Variants in ATXN1L observed in about 807,000 individuals in gnomAD.
ATXN1L encodes the protein ataxin 1 like.
Under a neutral mutation model 43.4 loss-of-function variants are expected in ATXN1L, and 8 were observed. The observed-to-expected ratio is 0.18, with a 90% confidence interval of 0.11 to 0.33. The LOEUF is 0.33. Among genes scored for constraint, ATXN1L ranks in the 10% least tolerant of loss-of-function variants. ATXN1L has a pLI of 1.00. For synonymous variants in ATXN1L, 379 were observed against 360.6 expected (o/e 1.05, Z -0.58); for missense variants, 856 against 885.4 (o/e 0.97, Z 0.42).
rs773921353 is a variant in ATXN1L at position 71,851,132 on chromosome 16, C to T, written c.1392C>T (p.His464=). 1 of 1,551,714 alleles carries T rather than the reference C, an allele frequency of 6.4e-7. No homozygotes were observed. The highest frequency in any genetic ancestry group is 8.7e-7 in the Non-Finnish European group (1 of 1,146,994). ...EPTPPPITSS[H]LPSHFMKGAI... The stretch of plus-strand genomic sequence containing the variant: ...CGCCGCCCCCCATTACCTCCTCTCA[C>T]TTGCCTTCCCATTTCATGAAAGGCG... Residue 464 remains histidine (H), a synonymous_variant, in exon 3 of 3, where the codon CAC becomes CAT. Coordinates refer to ENST00000427980, the MANE Select transcript of ATXN1L (RefSeq NM_001137675.4). This position sits in a 1 kb window ranked among gnomAD's most constrained non-coding sequence, Gnocchi z 4.9.
chr16:71,846,237 G>A (rs1031813553), intron 1 of ATXN1L, 133 bp downstream of exon 1: 1 of 153,858 alleles, frequency 6.5e-6, no homozygotes, highest in Admixed American at 6.5e-5. Flanking sequence ...GGAGGGGAGA[G>A]GCCGCACCTA....
At position 71,850,354 on chromosome 16, in the gene ATXN1L, C is replaced by T. The variant is rs1001164571; in HGVS notation, c.614C>T (p.Thr205Ile). ...AHSFNKAPSATSPSGQLPHHS... is the reference protein window; with the variant it reads ...AHSFNKAPSAISPSGQLPHHS... ...TCATTTAACAAAGCTCCCTCTGCCACCTCCCCATCTGGGCAATTGCCACAT... is the reference window on the plus strand; with the variant it reads ...TCATTTAACAAAGCTCCCTCTGCCATCTCCCCATCTGGGCAATTGCCACAT... Residue 205 changes from threonine to isoleucine, a missense_variant, in exon 3 of 3, where the codon ACC becomes ATC. Coordinates refer to ENST00000427980, the MANE Select transcript of ATXN1L (RefSeq NM_001137675.4). 7 of 1,551,614 alleles carry T rather than the reference C, an allele frequency of 4.5e-6. No homozygotes were observed. In the African/African-American group the frequency reaches 9.6e-5, roughly 21 times the overall value.
Position 71,852,783 on chromosome 16 carries a change from C to G in ATXN1L, c.*973C>G, listed in dbSNP as rs79662782. 1 of 167,280 alleles carries G rather than the reference C, an allele frequency of 6.0e-6. No individual in the cohort carries two copies. The highest frequency in any genetic ancestry group is 2.4e-5 in the African/African-American group (1 of 41,438). The allele number at this position is 167,280 out of a possible 1,614,324, so 10.4% of individuals were successfully genotyped here. On this transcript the variant is annotated 3_prime_UTR_variant, in exon 3 of 3. Transcript: ENST00000427980. The stretch of plus-strand genomic sequence containing the variant: ...ACCCCCACCCTCCTGCTGCGCTGAC[C>G]GCTGCATGGTGTCGTGACCTGGGCC...
intron 2 of ATXN1L, among the ~76,000 whole-genome samples, chr16:71,849,216 TAAAAAAAA>T (rs71153674): frequency 1.4e-5 from 1 of 71,236 alleles, no homozygotes; most frequent in Admixed American, 1.9e-4. Context: ...CCATGTGTTT[TAAAAAAAA>T]AAAAAAAAAA....
intron 1 of ATXN1L, 24 bp downstream of exon 1, chr16:71,846,128 C>T: frequency 5.3e-6 from 1 of 187,348 alleles, no homozygotes; most frequent in Middle Eastern, 5.9e-4. Context: ...GAAGTGGTGG[C>T]CGCCGGGGCC....
At position 71,850,361 on chromosome 16, in the gene ATXN1L, A is replaced by G. The variant is rs756080250; in HGVS notation, c.621A>G (p.Pro207=). The G allele has an allele frequency of 1.9e-6, 3 of 1,551,292 alleles. No individual in the cohort carries two copies. Among genetic ancestry groups the G allele is most frequent in the Non-Finnish European group, 2.6e-6 (3 of 1,146,940 alleles). ...SFNKAPSATS[P]SGQLPHHSST... The stretch of plus-strand genomic sequence containing the variant: ...ACAAAGCTCCCTCTGCCACCTCCCC[A>G]TCTGGGCAATTGCCACATCATTCAA... Residue 207 remains proline, a synonymous_variant, in exon 3 of 3, where the codon CCA becomes CCG. Transcript: ENST00000427980.
In ATXN1L at chr16:71,850,504, C is replaced by A. The variant is rs1256721404; in HGVS notation, c.764C>A (p.Thr255Asn). 3.9e-6 allele frequency: 6 copies of A among 1,551,724 alleles called. No individual in the cohort carries two copies. In the Admixed American group the frequency reaches 7.8e-5, roughly 20 times the overall value. ...TPPAGASPVL[T>N]PQESQSALEA... is the part of the protein sequence containing the mutation. Reference sequence around the variant, plus strand: ...CCAGCAGGTGCCAGCCCAGTTCTTACCCCTCAGGAGAGCCAGTCTGCTCTG... The same window carrying A: ...CCAGCAGGTGCCAGCCCAGTTCTTAACCCTCAGGAGAGCCAGTCTGCTCTG... The change falls in exon 3 of 3, where the codon ACC becomes AAC. Residue 255 changes from threonine to asparagine, a missense_variant. Physicochemically the swap from Thr to Asn is moderately conservative, Grantham distance 65. Around this residue, in one of 7 missense-constraint regions of ATXN1L, gnomAD observed 490 missense variants for 449.4 expected, o/e 1.09. Coordinates refer to ENST00000427980, the MANE Select transcript of ATXN1L (RefSeq NM_001137675.4).
Position 71,846,026 on chromosome 16 carries a change from G to A in ATXN1L, c.-258G>A. The A allele has an allele frequency of 5.3e-6, 1 of 187,508 alleles. No homozygotes were observed. The highest frequency in any genetic ancestry group is 1.1e-5 in the Non-Finnish European group (1 of 88,998). The allele number at this position is 187,508 out of a possible 1,614,324, so 11.6% of individuals were successfully genotyped here. On this transcript the variant is annotated 5_prime_UTR_variant, in exon 1 of 3. Transcript: ENST00000427980. ...GCGCTGGGTGTGGGGCGGCTCCGGG[G>A]CCGGGGATGGCGGCGGCCGCGGTTG...
Position 71,853,003 on chromosome 16 carries a change from A to G in ATXN1L, c.*1193A>G, listed in dbSNP as rs1003175258. 1 of 167,168 alleles carries G rather than the reference A, an allele frequency of 6.0e-6. No homozygotes were observed. Among genetic ancestry groups the G allele is most frequent in the African/African-American group, 2.4e-5 (1 of 41,472 alleles). The allele number at this position is 167,168 out of a possible 1,614,324, so 10.4% of individuals were successfully genotyped here. ...TTGGTGAAGAAACAAGAAGGGAACT[A>G]TGCCCTGGGCCAGGGCGAATGCGTG... On this transcript the variant is annotated 3_prime_UTR_variant, in exon 3 of 3. Coordinates refer to ENST00000427980, the MANE Select transcript of ATXN1L (RefSeq NM_001137675.4).
chr16:71,847,299 G>A (rs915226804), intron 1 of ATXN1L, among the ~76,000 whole-genome samples: 1 of 151,962 alleles, frequency 6.6e-6, no homozygotes, highest in Non-Finnish European at 1.5e-5. Context: ...ACATAGTGAT[G>A]GTTTAGTGGT....
intron 2 of ATXN1L, among the ~76,000 whole-genome samples, 200 bp from the exon 3 acceptor site, chr16:71,849,424 G>A (rs1215228063): frequency 1.3e-5 from 2 of 152,078 alleles, no homozygotes; most frequent in Non-Finnish European, 2.9e-5. Context: ...TTTGTGCCTT[G>A]TGATTTCCCC....
At chr16:71,849,195 A>G (rs2033472020) in intron 2 of ATXN1L, among the ~76,000 whole-genome samples, 2 of 145,600 alleles carry the variant, frequency 1.4e-5, no homozygotes, top group Non-Finnish European at 3.0e-5. Flanking sequence ...CAGGGCAACA[A>G]GAGCAAAACT....
In ATXN1L at chr16:71,851,854, G is replaced by A. The variant is rs2033507656; in HGVS notation, c.*44G>A. The A allele has an allele frequency of 2.2e-6, 3 of 1,379,416 alleles. No individual in the cohort carries two copies. Among genetic ancestry groups the A allele is most frequent in the East Asian group, 5.3e-5 (2 of 37,502 alleles). The allele number at this position is 1,379,416 out of a possible 1,614,324, so 85.4% of individuals were successfully genotyped here. ...GACTGGGGCTTTACCCCAGAGCCTCGCCTCGCCGCCGTGAGCAGGCAGAGG... is the reference window on the plus strand; with the variant it reads ...GACTGGGGCTTTACCCCAGAGCCTCACCTCGCCGCCGTGAGCAGGCAGAGG... On this transcript the variant is annotated 3_prime_UTR_variant, in exon 3 of 3. Transcript: ENST00000427980. This position sits in a 1 kb window ranked among gnomAD's most constrained non-coding sequence, Gnocchi z 4.9.
In ATXN1L at chr16:71,850,695, C is replaced by A. The variant is rs2033491435; in HGVS notation, c.955C>A (p.Arg319=). 1 of 1,551,580 alleles carries A rather than the reference C, an allele frequency of 6.4e-7. No homozygotes were observed. The highest frequency in any genetic ancestry group is 2.0e-5 in the Admixed American group (1 of 50,988). Residue 319 remains arginine (R), a synonymous_variant, in exon 3 of 3, where the codon CGG becomes AGG. Transcript: ENST00000427980. ...GQLFSGSQTP[R]VEVAAPAHRG... Reference sequence around the variant, plus strand: ...GTTGTTTTCAGGTTCTCAGACTCCACGGGTAGAGGTAGCAGCACCAGCACA... The same window carrying A: ...GTTGTTTTCAGGTTCTCAGACTCCAAGGGTAGAGGTAGCAGCACCAGCACA...
At position 71,850,161 on chromosome 16, in the gene ATXN1L, G is replaced by GGGTC; in HGVS notation, c.422_425dup (p.Pro143ValfsTer4). 6.4e-7 allele frequency: 1 copy of GGGTC among 1,551,662 alleles called. No individual in the cohort carries two copies. The highest frequency in any genetic ancestry group is 8.7e-7 in the Non-Finnish European group (1 of 1,146,984). On this transcript the variant is annotated frameshift_variant, in exon 3 of 3. Transcript: ENST00000427980. LOFTEE classifies it high-confidence loss of function. ...CCCATCCACCTCGCTGCAGTTCATT[G>GGGTC]GGTCTCCTTATAGCCTTCCCTATGC...
In ATXN1L at chr16:71,849,615, C is replaced by A; in HGVS notation, c.-117-9C>A. The A allele has an allele frequency of 9.6e-7, 1 of 1,046,244 alleles. No individual in the cohort carries two copies. The highest frequency in any genetic ancestry group is 1.3e-6 in the Non-Finnish European group (1 of 748,320). 64.8% of individuals were successfully genotyped at this position (1,046,244 alleles called of 1,614,324 possible). ...TACTTTTCTTTGCCTCTGATTTGTT[C>A]CCTAATAGATGTGGGCGCCCCAGCC... On this transcript the variant is annotated splice_polypyrimidine_tract_variant and intron_variant, in intron 2 of 2. Transcript: ENST00000427980.
At position 71,850,608 on chromosome 16, in the gene ATXN1L, C is replaced by G. The variant is rs1261191972; in HGVS notation, c.868C>G (p.Pro290Ala). ...VRRESEALDS[P>A]NSKGEGQGLV... Reference sequence around the variant, plus strand: ...ACGGGAAAGTGAAGCCCTTGACTCCCCCAACAGCAAGGGTGAAGGCCAGGG... The same window carrying G: ...ACGGGAAAGTGAAGCCCTTGACTCCGCCAACAGCAAGGGTGAAGGCCAGGG... Residue 290 changes from proline to alanine, a missense_variant, in exon 3 of 3, where the codon CCC (proline) becomes GCC (alanine). By Grantham distance (27) the Pro-to-Ala change is conservative. This residue lies in a region of ATXN1L where 490 missense variants were observed against 449.4 expected (regional missense o/e 1.09). Transcript: ENST00000427980. 1 of 1,551,712 alleles carries G rather than the reference C, an allele frequency of 6.4e-7. No individual in the cohort carries two copies. Among genetic ancestry groups the G allele is most frequent in the Non-Finnish European group, 8.7e-7 (1 of 1,147,004 alleles).
Position 71,852,056 on chromosome 16 carries a change from G to A in ATXN1L, c.*246G>A, listed in dbSNP as rs886767932. On this transcript the variant is annotated 3_prime_UTR_variant, in exon 3 of 3. Transcript: ENST00000427980. Reference sequence around the variant, plus strand: ...AGCAGGCCTGGGGCAAGGAAGGAAGGGGGTGCACACAGGAGAAGAAACATT... The same window carrying A: ...AGCAGGCCTGGGGCAAGGAAGGAAGAGGGTGCACACAGGAGAAGAAACATT... 4.9e-5 allele frequency: 18 copies of A among 368,944 alleles called. 1 individual carries two copies. Among genetic ancestry groups the A allele is most frequent in the Non-Finnish European group, 9.0e-5 (18 of 200,236 alleles). The allele number at this position is 368,944 out of a possible 1,614,324, so 22.9% of individuals were successfully genotyped here.
In ATXN1L at chr16:71,850,980, G is replaced by T. The variant is rs769862624; in HGVS notation, c.1240G>T (p.Val414Phe). The change falls in exon 3 of 3, where the codon GTT becomes TTT. Residue 414 changes from valine to phenylalanine, a missense_variant. Coordinates refer to ENST00000427980, the MANE Select transcript of ATXN1L (RefSeq NM_001137675.4). ...ACATAGACCTTTACCCAAAGCAATGGTTGTAGCCAATGGCAACCTGGTGCC... is the reference window on the plus strand; with the variant it reads ...ACATAGACCTTTACCCAAAGCAATGTTTGTAGCCAATGGCAACCTGGTGCC... ...VKHRPLPKAM[V>F]VANGNLVPTG... The T allele has an allele frequency of 1.9e-6, 3 of 1,551,700 alleles. No homozygotes were observed. The Admixed American group carries it at 5.9e-5, about 30-fold the overall frequency.
Sources: gnomAD v4.1 joint callset for allele counts (sites outside exome capture counted in the v4.1 genomes callset) on GRCh38, gnomAD v4.1.1 for gene constraint, gnomAD v4.1.1 regional missense constraint, Gnocchi (gnomAD v3.1) non-coding constraint, MANE v1.5 for transcripts, NCBI Gene and HGNC (gene_info 2026-07-23, HGNC 2026-07-21) for gene names.